Variants in EPHA4 observed in about 807,000 individuals in gnomAD.
EPHA4 encodes the protein ephrin type-A receptor 4.
In EPHA4, 19 loss-of-function variants were observed where a neutral mutation model predicts 108.3. The ratio of observed to expected loss-of-function variants is 0.18; its 90% CI spans 0.12 to 0.26. The LOEUF is 0.26. Ranked by LOEUF, EPHA4 falls within the 10% of genes least tolerant of loss-of-function variation. The probability of loss-of-function intolerance (pLI) is 1.00; values close to 1 mark genes in which losing one functional copy is unlikely to be tolerated. For synonymous variants in EPHA4, 449 were observed against 455.5 expected, an observed-to-expected ratio of 0.99 and a Z score of 0.18; for missense variants, 917 against 1,254.0, an observed-to-expected ratio of 0.73 and a Z score of 4.06.
Position 221,419,685 on chromosome 2 carries a change from A to T in EPHA4, c.*1687T>A, listed in dbSNP as rs1689693132. The T allele has an allele frequency of 6.6e-6, 1 of 152,486 alleles. No individual in the cohort carries two copies. Among genetic ancestry groups the T allele is most frequent in the Admixed American group, 6.5e-5 (1 of 15,280 alleles). The allele number at this position is 152,486 out of a possible 1,614,324, so 9.4% of individuals were successfully genotyped here. A position where few individuals can be genotyped will look rare whatever the true frequency, so the allele number is the denominator to read the frequency against. ...TAAATTACTTCACCATTAAGGTGAA[A>T]ATGCCTCTGTCCAAAGCTGTAGAAT... On this transcript the variant is annotated 3_prime_UTR_variant, in exon 18 of 18. Transcript: ENST00000281821.
upstream of EPHA4, chr2:221,572,487 C>A: frequency 3.4e-6 from 1 of 297,434 alleles, no homozygotes; most frequent in South Asian, 1.3e-4. Context: ...CGCGCGGTCT[C>A]CCGGGGCTCT....
At position 221,507,081 on chromosome 2, in the gene EPHA4, C is replaced by T. The variant is rs567414331; in HGVS notation, c.824-5909G>A. On this transcript the variant is annotated intron_variant, in intron 3 of 17. Coordinates refer to ENST00000281821, the MANE Select transcript of EPHA4 (RefSeq NM_004438.5). ...AAACTGGTGGCAGGCCAGATTTTGC[C>T]CATGGGTCATACTTTGCCAACCAGT... Among the ~76,000 whole-genome samples the T allele has an allele frequency of 2.6e-5, 4 of 152,178 alleles. No individual in the cohort carries two copies. The South Asian group carries it at 8.3e-4, about 32-fold the overall frequency.
At chr2:221,469,739 G>C (rs1009476268) in intron 5 of EPHA4, among the ~76,000 whole-genome samples, 2 of 152,022 alleles carry the variant, frequency 1.3e-5, no homozygotes, top group Admixed American at 6.6e-5. Flanking sequence ...GTCATTCTAC[G>C]GCTGCCAAAT....
chr2:221,492,696 G>A (rs1216733139), intron 4 of EPHA4, among the ~76,000 whole-genome samples: 3 of 152,172 alleles, frequency 2.0e-5, no homozygotes, highest in African/African-American at 4.8e-5. Flanking sequence ...ATACGTTGAC[G>A]GCTGCATCTG....
intron 4 of EPHA4, among the ~76,000 whole-genome samples, chr2:221,492,191 TAG>T (rs1346592174): frequency 6.6e-6 from 1 of 152,052 alleles, no homozygotes; most frequent in Non-Finnish European, 1.5e-5. Context: ...TTCAGGGTGG[TAG>T]AAAAATTGTA....
At chr2:221,432,646 A>AT (rs35949341) in intron 14 of EPHA4, among the ~76,000 whole-genome samples, 33,094 of 141,954 alleles carry the variant, frequency 0.23, 3,909 homozygotes, top group Non-Finnish European at 0.27. Context: ...TGCACCGAAC[A>AT]TTTTTTTTTT....
At chr2:221,480,043 T>TCCCAC (rs1208371977) in intron 5 of EPHA4, among the ~76,000 whole-genome samples, 10 of 147,540 alleles carry the variant, frequency 6.8e-5, no homozygotes, top group African/African-American at 1.3e-4. Flanking sequence ...TAAAACTTCA[T>TCCCAC]CCCACCCCAC....
At chr2:221,459,998 A>G (rs1173112047) in intron 5 of EPHA4, among the ~76,000 whole-genome samples, 1 of 152,188 alleles carries the variant, frequency 6.6e-6, no homozygotes, top group Non-Finnish European at 1.5e-5. Context: ...GGTTATCATT[A>G]AACTGCTGCA....
At chr2:221,526,663 T>G (rs538426301) in intron 3 of EPHA4, among the ~76,000 whole-genome samples, 50 of 151,772 alleles carry the variant, frequency 3.3e-4, no homozygotes, top group African/African-American at 1.2e-3. Context: ...CCTAGCCAAC[T>G]TGGTGAAACC....
At chr2:221,421,354 T>C (rs1258711436) in intron 17 of EPHA4, among the ~76,000 whole-genome samples, 1 of 150,330 alleles carries the variant, frequency 6.7e-6, no homozygotes, top group Non-Finnish European at 1.5e-5. Flanking sequence ...TGAAAAAAAG[T>C]GGTGGTTTTT....
At chr2:221,486,179 A>G (rs1259892748) in intron 4 of EPHA4, among the ~76,000 whole-genome samples, 1 of 152,184 alleles carries the variant, frequency 6.6e-6, no homozygotes, top group Non-Finnish European at 1.5e-5. Context: ...TAGTCTCCAC[A>G]TCTGAATCGA....
chr2:221,571,233 A>G lies in EPHA4; in HGVS notation c.91+925T>C, dbSNP rs1382527823. Among the ~76,000 whole-genome samples, 2 of 149,186 alleles carry G rather than the reference A, an allele frequency of 1.3e-5. No homozygotes were observed. Among genetic ancestry groups the G allele is most frequent in the East Asian group, 4.1e-4 (2 of 4,928 alleles). On this transcript the variant is annotated intron_variant, in intron 1 of 17. Transcript: ENST00000281821. The surrounding 1 kb of genome is among the most constrained non-coding windows in gnomAD (Gnocchi z 6.3). ...CATGCAGACATGCACACACACGCAG[A>G]CATGCACACACACACCACACATACA...
rs1689913828 is a variant in EPHA4, at chr2:221,426,492, G to T, written c.2818C>A (p.Leu940Ile). 6.2e-7 allele frequency: 1 copy of T among 1,612,858 alleles called. No individual in the cohort carries two copies. Among genetic ancestry groups the T allele is most frequent in the Non-Finnish European group, 8.5e-7 (1 of 1,179,798 alleles). ...TGGTTCACGTGCACCACAGCCTCTA[G>T]TGTGGTATAACCAGCAGCTGTGAAG... ...DNFTAAGYTTLEAVVHVNQED... is the reference protein window; with the variant it reads ...DNFTAAGYTTIEAVVHVNQED... The change falls in exon 16 of 18, where the codon CTA (leucine) becomes ATA (isoleucine). Residue 940 changes from leucine to isoleucine, a missense_variant. Around this residue, in one of 3 missense-constraint regions of EPHA4, gnomAD observed 133 missense variants for 132.8 expected, o/e 1.00. Coordinates refer to ENST00000281821, the MANE Select transcript of EPHA4 (RefSeq NM_004438.5).
At chr2:221,544,093 C>T (rs1000598860) in intron 3 of EPHA4, among the ~76,000 whole-genome samples, 1 of 152,124 alleles carries the variant, frequency 6.6e-6, no homozygotes. Flanking sequence ...TTCATGAGGG[C>T]TCCACTCTCA....
intron 17 of EPHA4, among the ~76,000 whole-genome samples, chr2:221,420,941 G>A (rs1302487284): frequency 6.6e-6 from 1 of 152,158 alleles, no homozygotes; most frequent in Admixed American, 6.5e-5. Flanking sequence ...GCCTGTCTAT[G>A]AAATGAAAAT....
chr2:221,424,348 A>G (rs1689836269), intron 17 of EPHA4, among the ~76,000 whole-genome samples: 1 of 152,090 alleles, frequency 6.6e-6, no homozygotes, highest in Admixed American at 6.5e-5. Flanking sequence ...CTAAACTGTC[A>G]TGATTTGACA....
At chr2:221,535,017 T>A (rs987546524) in intron 3 of EPHA4, among the ~76,000 whole-genome samples, 1 of 152,230 alleles carries the variant, frequency 6.6e-6, no homozygotes, top group African/African-American at 2.4e-5. Context: ...ACGTTCTCCA[T>A]CGCTATTGGA....
intron 13 of EPHA4, among the ~76,000 whole-genome samples, chr2:221,434,899 T>TA (rs11362465): frequency 9.9e-5 from 15 of 151,352 alleles, no homozygotes; most frequent in African/African-American, 3.4e-4. Flanking sequence ...GTTATTAAAT[T>TA]AAAAAAAAAA....
intron 11 of EPHA4, 108 bp from the exon 12 acceptor site, chr2:221,437,230 C>A: frequency 1.3e-6 from 1 of 754,586 alleles, no homozygotes; most frequent in South Asian, 1.7e-5. Context: ...CTTGTGTGAT[C>A]TAATTTAATT....
Sources: gnomAD v4.1 joint callset for allele counts (sites outside exome capture counted in the v4.1 genomes callset) on GRCh38, gnomAD v4.1.1 for gene constraint, gnomAD v4.1.1 regional missense constraint, Gnocchi (gnomAD v3.1) non-coding constraint, MANE v1.5 for transcripts, NCBI Gene and HGNC (gene_info 2026-07-23, HGNC 2026-07-21) for gene names.